IL16: variants seen among roughly 807,000 people sequenced by gnomAD.
The protein encoded by IL16 is interleukin 16.
IL16 carries 67 observed loss-of-function variants against 110.1 expected under a neutral mutation model. That is an observed-to-expected ratio of 0.61 (90% CI 0.50 to 0.75). The LOEUF (loss-of-function observed/expected upper bound fraction) is 0.75, where lower values mean the gene tolerates loss of function less well. IL16 is among the 30% of genes least tolerant of loss of function. The pLI, the probability that IL16 is intolerant of heterozygous loss-of-function variation, is 0.00. For missense variants in IL16, 1,545 were observed against 1,655.0 expected (o/e 0.93, Z 1.15); for synonymous variants, 689 against 662.9 (o/e 1.04, Z -0.61).
chr15:81,221,784 C>T (rs917292131), intron 1 of IL16, among the ~76,000 whole-genome samples: 1 of 152,194 alleles, frequency 6.6e-6, no homozygotes, highest in African/African-American at 2.4e-5. Flanking sequence ...CATCTCCCAT[C>T]CCATGGGCCC....
chr15:81,301,420 C>T lies in IL16; in HGVS notation c.3226C>T (p.Gln1076Ter). The T allele has an allele frequency of 6.2e-7, 1 of 1,614,006 alleles. No homozygotes were observed. The highest frequency in any genetic ancestry group is 1.1e-5 in the South Asian group (1 of 91,070). The change falls in exon 15 of 19, where the codon CAG (glutamine) becomes TAG (stop). Residue 1076 changes from glutamine (Q) to a stop codon, truncating the protein, a stop_gained. Coordinates refer to ENST00000683961, the MANE Select transcript of IL16 (RefSeq NM_172217.5). LOFTEE classifies it high-confidence loss of function. ...EDDDGDHSSL[Q>*]SGQSVISLLS... ...CGATGATGGGGACCACAGTTCCCTT[C>T]AGTCTGGTCAGTCCGTTATCTCCCT...
rs147225579 is a variant in IL16, at chr15:81,306,054, G to T, written c.3567G>T (p.Arg1189Ser). The stretch of plus-strand genomic sequence containing the variant: ...TCCTCCGCCAAGCTCGAGAGCCCAG[G>T]CAAGCTGTGATTGTCACAAGGAAGC... ...LAILRQAREP[R>S]QAVIVTRKLT... is the part of the protein sequence containing the mutation. The change falls in exon 17 of 19, where the codon AGG (arginine) becomes AGT (serine). Residue 1189 changes from arginine (R) to serine (S), a missense_variant. Transcript: ENST00000683961. The T allele has an allele frequency of 1.9e-6, 3 of 1,614,082 alleles. No homozygotes were observed. In the African/African-American group the frequency reaches 4.0e-5, roughly 22 times the overall value.
intron 11 of IL16, chr15:81,291,992 C>T: frequency 2.2e-6 from 1 of 456,046 alleles, no homozygotes; most frequent in Non-Finnish European, 4.4e-6. Flanking sequence ...AGGCAGTGTC[C>T]TGGGGTTCAC....
chr15:81,284,033 A>G (rs1899325863), intron 9 of IL16, among the ~76,000 whole-genome samples: 1 of 149,190 alleles, frequency 6.7e-6, no homozygotes, highest in Non-Finnish European at 1.5e-5. Flanking sequence ...AGAGAGAGAG[A>G]AGATATCAGT....
At chr15:81,271,696 TAGGGGCCCGTGGAGGAGCCCTGA>T (rs1321341297) in intron 5 of IL16, among the ~76,000 whole-genome samples, 18 of 152,140 alleles carry the variant, frequency 1.2e-4, no homozygotes, top group Non-Finnish European at 2.9e-5. Context: ...AGGACAAGGC[TAGGGGCCCGTGGAGGAGCCCTGA>T]AGGGGCTCCT....
At chr15:81,242,929 T>C (rs1195769856) in intron 2 of IL16, among the ~76,000 whole-genome samples, 1 of 151,704 alleles carries the variant, frequency 6.6e-6, no homozygotes, top group Non-Finnish European at 1.5e-5. Context: ...GATTGGGTAC[T>C]TAATTTGGTC....
At chr15:81,284,603 G>A (rs1354513565) in intron 9 of IL16, among the ~76,000 whole-genome samples, 1 of 152,196 alleles carries the variant, frequency 6.6e-6, no homozygotes, top group Non-Finnish European at 1.5e-5. Flanking sequence ...TAAAAAGGAA[G>A]CAAGGGTGAA....
rs1210154649 is a variant in IL16 at position 81,285,080 on chromosome 15, C to CT, written c.1200-606dup. 9.2e-4 allele frequency among the ~76,000 whole-genome samples: 134 copies of CT among 145,638 alleles called. 1 individual carries two copies. Among genetic ancestry groups the CT allele is most frequent in the East Asian group, 5.0e-3 (25 of 5,030 alleles). ...ATCTATGTGACCCCGTGTTTCCTAC[C>CT]TTTTTTTTTTTTAAGGTTTAGGTTG... is the stretch of plus-strand genomic sequence containing the variant. On this transcript the variant is annotated intron_variant, in intron 9 of 18. Transcript: ENST00000683961.
intron 2 of IL16, among the ~76,000 whole-genome samples, chr15:81,245,724 C>CTTTTTTTTTTTGTTTTTTTT (rs1897518694): frequency 1.6e-5 from 1 of 61,282 alleles, no homozygotes; most frequent in Non-Finnish European, 3.0e-5. Context: ...TTTGTTTTGG[C>CTTTTTTTTTTTGTTTTTTTT]TTTTTTTTTT....
In IL16 at chr15:81,306,499, C is replaced by T. The variant is rs766128724; in HGVS notation, c.3759C>T (p.Gly1253=). Reference sequence around the variant, plus strand: ...GCTTCAGCCTGGAAGGAGGGAAGGGCTCCCTACACGGAGACAAGCCTCTCA... The same window carrying T: ...GCTTCAGCCTGGAAGGAGGGAAGGGTTCCCTACACGGAGACAAGCCTCTCA... ...GLGFSLEGGK[G]SLHGDKPLTI... is the part of the protein sequence containing the mutation. Residue 1253 remains glycine (G), a synonymous_variant, in exon 18 of 19, where the codon GGC becomes GGT. Coordinates refer to ENST00000683961, the MANE Select transcript of IL16 (RefSeq NM_172217.5). The T allele has an allele frequency of 6.2e-7, 1 of 1,613,266 alleles. No homozygotes were observed. Among genetic ancestry groups the T allele is most frequent in the South Asian group, 1.1e-5 (1 of 91,044 alleles).
intron 3 of IL16, among the ~76,000 whole-genome samples, chr15:81,261,292 A>G (rs1365625214): frequency 6.6e-6 from 1 of 152,232 alleles, no homozygotes; most frequent in Non-Finnish European, 1.5e-5. Flanking sequence ...GTGACTGTGC[A>G]GGCCACGTGC....
At chr15:81,243,107 A>G (rs1227706467) in intron 2 of IL16, among the ~76,000 whole-genome samples, 1 of 131,446 alleles carries the variant, frequency 7.6e-6, no homozygotes, top group African/African-American at 2.8e-5. Context: ...GATGAATTCA[A>G]TTTGCTAACA....
rs182743269 is a variant in IL16, at chr15:81,258,455, C to T, written c.313-1317C>T. Among the ~76,000 whole-genome samples the T allele has an allele frequency of 6.6e-5, 10 of 152,318 alleles. No homozygotes were observed. The East Asian group carries it at 1.5e-3, about 23-fold the overall frequency. On this transcript the variant is annotated intron_variant, in intron 2 of 18. Coordinates refer to ENST00000683961, the MANE Select transcript of IL16 (RefSeq NM_172217.5). The stretch of plus-strand genomic sequence containing the variant: ...ATGACTCACGCCTGTAATCCTTACA[C>T]TTTGGGAGGCTGAGGTGGGAGGATC...
chr15:81,211,627 A>G (rs1387098705), intron 1 of IL16, among the ~76,000 whole-genome samples: 2 of 152,150 alleles, frequency 1.3e-5, no homozygotes, highest in Non-Finnish European at 1.5e-5. Flanking sequence ...GGCTTAAGCA[A>G]TCTGCCGCTC....
chr15:81,279,728 C>T lies in IL16; in HGVS notation c.1035C>T (p.Thr345=), dbSNP rs760127526. The T allele has an allele frequency of 1.2e-5, 20 of 1,614,118 alleles. No homozygotes were observed. The highest frequency in any genetic ancestry group is 1.1e-4 in the East Asian group (5 of 44,892). Residue 345 remains threonine, a synonymous_variant, in exon 8 of 19, where the codon ACC becomes ACT. Coordinates refer to ENST00000683961, the MANE Select transcript of IL16 (RefSeq NM_172217.5). The part of the protein sequence containing the change: ...ALESPSAPIS[T]AKPNYRIMVE... ...AAAGCCCCTCGGCTCCCATCAGCAC[C>T]GCCAAGCCCAATTACAGAATCATGG...
intron 2 of IL16, among the ~76,000 whole-genome samples, chr15:81,248,693 A>G (rs1263651203): frequency 1.1e-5 from 1 of 89,448 alleles, no homozygotes; most frequent in Non-Finnish European, 2.5e-5. Flanking sequence ...TTCTAATTCT[A>G]TTTCTGTGAT....
chr15:81,305,647 G>T, intron 16 of IL16: 1 of 452,048 alleles, frequency 2.2e-6, no homozygotes, highest in Non-Finnish European at 3.9e-6. Context: ...AACTAGAATC[G>T]TGGTGGTACA....
chr15:81,225,257 C>T (rs750426438), intron 1 of IL16, 42 bp from the exon 2 acceptor site: 15 of 1,453,928 alleles, frequency 1.0e-5, no homozygotes, highest in African/African-American at 1.4e-5. Flanking sequence ...CACTTGTCAG[C>T]AGCAAGTCAC....
chr15:81,225,340 C>T lies in IL16; in HGVS notation c.-60C>T, dbSNP rs200683061. The T allele has an allele frequency of 1.8e-5, 29 of 1,582,098 alleles. No homozygotes were observed. Among genetic ancestry groups the T allele is most frequent in the African/African-American group, 8.1e-5 (6 of 74,508 alleles). ...AGCTAAGCCCTGTCCAGTGGCCACC[C>T]GTCAGCCAAGGGCCAGAGACCAGGA... On this transcript the variant is annotated 5_prime_UTR_variant, in exon 2 of 19. Coordinates refer to ENST00000683961, the MANE Select transcript of IL16 (RefSeq NM_172217.5).
Sources: allele counts gnomAD v4.1 joint callset (sites outside exome capture counted in the v4.1 genomes callset), GRCh38; gene constraint gnomAD v4.1.1; transcripts MANE v1.5; gene names NCBI Gene and HGNC (gene_info 2026-07-23, HGNC 2026-07-21).